Variants in FMN1 observed in about 807,000 individuals in gnomAD.
FMN1 encodes formin 1.
In FMN1, 110 loss-of-function variants were observed where a neutral mutation model predicts 132.4. The observed-to-expected ratio is 0.83, with a 90% confidence interval of 0.71 to 0.97. FMN1 has a LOEUF of 0.97. Ranked by LOEUF, FMN1 falls within the 50% of genes least tolerant of loss-of-function variation. The probability of loss-of-function intolerance (pLI) is 0.00; values close to 1 mark genes in which losing one functional copy is unlikely to be tolerated. For missense variants in FMN1, 1,792 were observed against 1,705.3 expected (o/e 1.05, Z -0.90); for synonymous variants, 722 against 651.7 (o/e 1.11, Z -1.64).
Position 33,041,813 on chromosome 15 carries a change from G to A in FMN1, c.2161+23144C>T, listed in dbSNP as rs192875513. On this transcript the variant is annotated intron_variant, in intron 6 of 20. Transcript: ENST00000616417. ...CAGTTGTTTAATGCACATAGTGTCA[G>A]TTTTGCAAAATGAAAAATTCTGGAG... 2.0e-3 allele frequency among the ~76,000 whole-genome samples: 298 copies of A among 152,212 alleles called. 2 individuals carry two copies. Among genetic ancestry groups the A allele is most frequent in the African/African-American group, 6.9e-3 (285 of 41,534 alleles).
intron 18 of FMN1, among the ~76,000 whole-genome samples, chr15:32,800,423 T>C (rs2057438559): frequency 6.6e-6 from 1 of 152,232 alleles, no homozygotes; most frequent in African/African-American, 2.4e-5. Flanking sequence ...ATGTCCACTC[T>C]TGCCCCAGAC....
chr15:33,193,710 A>G (rs1050473700), intron 2 of FMN1, among the ~76,000 whole-genome samples, 199 bp downstream of exon 2: 7 of 152,154 alleles, frequency 4.6e-5, no homozygotes, highest in Non-Finnish European at 1.0e-4. Context: ...GCAAGCAGAA[A>G]TGTGGATGAT....
rs1317327148 is a variant in FMN1 at position 32,942,060 on chromosome 15, A to G, written c.3139-15799T>C. Among the ~76,000 whole-genome samples, 6 of 152,288 alleles carry G rather than the reference A, an allele frequency of 3.9e-5. No individual in the cohort carries two copies. The East Asian group carries it at 9.7e-4, about 25-fold the overall frequency. On this transcript the variant is annotated intron_variant, in intron 9 of 20. Coordinates refer to ENST00000616417, the MANE Select transcript of FMN1 (RefSeq NM_001277313.2). ...CAGGTTGCGTTAAACCCTATTAGAC[A>G]TGCCTAGTTTAAGGCAAAGCCTTTC...
At chr15:33,181,770 G>A (rs564215581) in intron 2 of FMN1, among the ~76,000 whole-genome samples, 5 of 145,314 alleles carry the variant, frequency 3.4e-5, no homozygotes, top group South Asian at 2.2e-4. Context: ...GTGCAATGGC[G>A]TGATCTCAGC....
In FMN1 at chr15:33,111,631, G is replaced by A. The variant is rs189452729; in HGVS notation, c.1868-22657C>T. On this transcript the variant is annotated intron_variant, in intron 4 of 20. Coordinates refer to ENST00000616417, the MANE Select transcript of FMN1 (RefSeq NM_001277313.2). ...AAATGTGCTATATCCATATGAAGGA[G>A]TATCTTTTGCCTATAAAAAAATCTC... Among the ~76,000 whole-genome samples, 255 of 152,274 alleles carry A rather than the reference G, an allele frequency of 1.7e-3. 2 individuals are homozygous for A. Among genetic ancestry groups the A allele is most frequent in the Middle Eastern group, 6.8e-3 (2 of 294 alleles).
Position 33,128,379 on chromosome 15 carries a change from C to T in FMN1, c.1867+24669G>A, listed in dbSNP as rs145820579. On this transcript the variant is annotated intron_variant, in intron 4 of 20. Transcript: ENST00000616417. ...ATCTCAAGGATTCACCAGCCTCTCT[C>T]CGAACTCCAACTGCCCGCCATTTGT... is the stretch of plus-strand genomic sequence containing the variant. 5.9e-4 allele frequency among the ~76,000 whole-genome samples: 90 copies of T among 152,248 alleles called. 1 individual carries two copies. The East Asian group carries it at 0.016, about 27-fold the overall frequency.
intron 7 of FMN1, among the ~76,000 whole-genome samples, chr15:32,992,081 T>TAC (rs2033468918): frequency 6.6e-6 from 1 of 152,214 alleles, no homozygotes; most frequent in African/African-American, 2.4e-5. Context: ...GATTTGATTT[T>TAC]ACTAGTGTAG....
chr15:33,124,506 A>G (rs1962864418), intron 4 of FMN1, among the ~76,000 whole-genome samples: 1 of 150,518 alleles, frequency 6.6e-6, no homozygotes, highest in South Asian at 2.1e-4. Flanking sequence ...GAGCATTGGG[A>G]TTGCTTTAAA....
chr15:32,933,699 A>G (rs1439587585), intron 9 of FMN1, among the ~76,000 whole-genome samples: 1 of 152,090 alleles, frequency 6.6e-6, no homozygotes, highest in Non-Finnish European at 1.5e-5. Flanking sequence ...CCCTTTTATC[A>G]TTAAATAGTG....
At chr15:32,808,408 A>G (rs866765005) in intron 17 of FMN1, among the ~76,000 whole-genome samples, 2 of 152,240 alleles carry the variant, frequency 1.3e-5, no homozygotes, top group African/African-American at 4.8e-5. Flanking sequence ...CAGTCTTTGC[A>G]GTCAGGTCTT....
intron 3 of FMN1, among the ~76,000 whole-genome samples, chr15:33,177,319 A>G (rs1439576772): frequency 1.3e-5 from 2 of 152,180 alleles, no homozygotes; most frequent in Non-Finnish European, 2.9e-5. Flanking sequence ...TAGAATATGG[A>G]GCACTCACAC....
intron 6 of FMN1, among the ~76,000 whole-genome samples, chr15:33,043,706 T>C (rs1475197245): frequency 6.6e-6 from 1 of 152,240 alleles, no homozygotes; most frequent in Non-Finnish European, 1.5e-5. Context: ...GCCATGATGC[T>C]GGCTGCAGTT....
At chr15:32,794,446 C>T (rs1192057312) in intron 19 of FMN1, among the ~76,000 whole-genome samples, 1 of 152,074 alleles carries the variant, frequency 6.6e-6, no homozygotes, top group Non-Finnish European at 1.5e-5. Flanking sequence ...ATTCAAAGCT[C>T]ATTTTGTGGG....
intron 4 of FMN1, among the ~76,000 whole-genome samples, chr15:33,123,026 C>G (rs1293302892): frequency 2.0e-5 from 3 of 151,482 alleles, no homozygotes; most frequent in Non-Finnish European, 4.4e-5. Flanking sequence ...GTAATCTGAC[C>G]ATGTTCACAC....
intron 4 of FMN1, among the ~76,000 whole-genome samples, chr15:33,132,121 C>T (rs1213585886): frequency 6.6e-6 from 1 of 152,012 alleles, no homozygotes; most frequent in East Asian, 1.9e-4. Flanking sequence ...ATTTTCTTTT[C>T]CCTCCTTTCT....
chr15:33,188,003 T>A (rs963389294), intron 2 of FMN1, among the ~76,000 whole-genome samples: 7 of 152,160 alleles, frequency 4.6e-5, no homozygotes, highest in Non-Finnish European at 8.8e-5. Context: ...GATTTGTACA[T>A]CATGCACTGA....
chr15:33,011,513 G>C (rs992268725), intron 6 of FMN1, among the ~76,000 whole-genome samples: 3 of 150,738 alleles, frequency 2.0e-5, no homozygotes, highest in Non-Finnish European at 4.4e-5. Context: ...TACAGCCTCA[G>C]GATAGAAAAA....
intron 16 of FMN1, among the ~76,000 whole-genome samples, chr15:32,881,085 GT>G (rs2059758345): frequency 2.0e-5 from 2 of 100,192 alleles, no homozygotes; most frequent in Non-Finnish European, 4.6e-5. Flanking sequence ...CATATTTTTT[GT>G]ATATTTTGTA....
intron 9 of FMN1, among the ~76,000 whole-genome samples, 161 bp downstream of exon 9, chr15:32,963,946 C>G (rs1033365138): frequency 9.4e-5 from 14 of 148,882 alleles, no homozygotes; most frequent in Non-Finnish European, 1.6e-4. Context: ...CACACACACA[C>G]AGAATATGTA....
Sources: gnomAD v4.1 joint callset for allele counts (sites outside exome capture counted in the v4.1 genomes callset) on GRCh38, gnomAD v4.1.1 for gene constraint, MANE v1.5 for transcripts, NCBI Gene and HGNC (gene_info 2026-07-23, HGNC 2026-07-21) for gene names.